The following FBXO3 variants were observed in gnomAD, a reference collection of about 807,000 sequenced individuals.
FBXO3 encodes F-box only protein 3.
A neutral mutation model predicts 64.8 loss-of-function variants in FBXO3; 17 were observed. The observed-to-expected ratio is 0.26, with a 90% CI of 0.18 to 0.39. The LOEUF (loss-of-function observed/expected upper bound fraction) is 0.39, where lower values mean the gene tolerates loss of function less well. Among genes scored for constraint, FBXO3 ranks in the 10% least tolerant of loss-of-function variants. The pLI is 1.00. For missense variants in FBXO3, 420 were observed against 589.9 expected (o/e 0.71, Z 2.98); for synonymous variants, 182 against 201.6 (o/e 0.90, Z 0.82).
At chr11:33,754,685 T>C (rs1366396466) in intron 5 of FBXO3, among the ~76,000 whole-genome samples, 185 bp from the exon 6 acceptor site, 3 of 152,176 alleles carry the variant, frequency 2.0e-5, no homozygotes, top group Admixed American at 2.0e-4. Flanking sequence ...CGAACAGTTC[T>C]AGGTTACTCA....
chr11:33,767,286 T>A (rs1390043304), intron 3 of FBXO3, among the ~76,000 whole-genome samples: 1 of 152,166 alleles, frequency 6.6e-6, no homozygotes, highest in Non-Finnish European at 1.5e-5. Flanking sequence ...GTTAAACAAC[T>A]TAGTTTTTTT....
At position 33,741,244 on chromosome 11, in the gene FBXO3, A is replaced by C. The variant is rs1410827221; in HGVS notation, c.*664T>G. The C allele has an allele frequency of 1.3e-5, 2 of 152,674 alleles. No homozygotes were observed. Among genetic ancestry groups the C allele is most frequent in the Non-Finnish European group, 2.9e-5 (2 of 68,032 alleles). 9.5% of individuals were successfully genotyped at this position (152,674 alleles called of 1,614,324 possible). The stretch of plus-strand genomic sequence containing the variant: ...AATGCATCTGTGAATAATATGATAA[A>C]GCGCATAGTGTTGAAGACTTTAAAT... On this transcript the variant is annotated 3_prime_UTR_variant, in exon 11 of 11. Transcript: ENST00000265651.
At chr11:33,745,882 A>C (rs1854802414) in intron 10 of FBXO3, 1 of 152,166 alleles carries the variant, frequency 6.6e-6, no homozygotes, top group Non-Finnish European at 1.5e-5. Context: ...CCCTAACTAA[A>C]GCAATGAACA....
chr11:33,751,495 C>T lies in FBXO3; in HGVS notation c.809+28G>A, dbSNP rs1429299563. ...ATTTTTCTCTGATTTACAATCATTT[C>T]AATCCAAAAAGACCCAAAATAAAAT... On this transcript the variant is annotated intron_variant, in intron 7 of 10. Coordinates refer to ENST00000265651, the MANE Select transcript of FBXO3 (RefSeq NM_012175.4). 4 of 1,414,958 alleles carry T rather than the reference C, an allele frequency of 2.8e-6. No homozygotes were observed. In the Admixed American group the frequency reaches 5.5e-5, roughly 19 times the overall value. 87.7% of individuals were successfully genotyped at this position (1,414,958 alleles called of 1,614,324 possible).
chr11:33,758,238 C>G (rs1171033170), intron 4 of FBXO3, among the ~76,000 whole-genome samples: 1 of 152,220 alleles, frequency 6.6e-6, no homozygotes, highest in African/African-American at 2.4e-5. Flanking sequence ...TCCCATCCCC[C>G]ATCCCATACC....
Position 33,748,167 on chromosome 11 carries a change from G to A in FBXO3, c.1048+610C>T, listed in dbSNP as rs572370628. Among the ~76,000 whole-genome samples the A allele has an allele frequency of 1.2e-4, 19 of 152,146 alleles. No homozygotes were observed. In the South Asian group the frequency reaches 2.9e-3, roughly 23 times the overall value. On this transcript the variant is annotated intron_variant, in intron 9 of 10. Transcript: ENST00000265651. ...GCTTTAATAAAGCCTCTCTCTTAGC[G>A]CTAGATCCAGAAAAAATTCCTGGAC...
intron 1 of FBXO3, 44 bp from the exon 2 acceptor site, chr11:33,770,874 A>G (rs748670586): frequency 7.1e-7 from 1 of 1,404,778 alleles, no homozygotes; most frequent in Non-Finnish European, 9.9e-7. Context: ...AAAAGTAAGA[A>G]AACAATTTAA....
intron 5 of FBXO3, among the ~76,000 whole-genome samples, chr11:33,755,002 G>A (rs896078983): frequency 2.0e-5 from 3 of 151,688 alleles, no homozygotes; most frequent in African/African-American, 7.3e-5. Flanking sequence ...AAGTAGCTGG[G>A]ACTAAGGCAT....
intron 4 of FBXO3, 32 bp downstream of exon 4, chr11:33,758,455 A>C: frequency 7.4e-6 from 11 of 1,479,592 alleles, no homozygotes; most frequent in Non-Finnish European, 9.3e-6. Flanking sequence ...AACTTGCATC[A>C]TTAAAAATAA....
chr11:33,741,989 T>A lies in FBXO3; in HGVS notation c.1335A>T (p.Ser445=), dbSNP rs749473473. 6.2e-7 allele frequency: 1 copy of A among 1,612,956 alleles called. No individual in the cohort carries two copies. The highest frequency in any genetic ancestry group is 8.5e-7 in the Non-Finnish European group (1 of 1,178,922). The change falls in exon 11 of 11, where the codon TCA becomes TCT. Residue 445 remains serine (S), a synonymous_variant. Transcript: ENST00000265651. ...EDDDSADMDE[S]DEDDEEERRR... ...GTCTCTCCTCTTCATCATCTTCATC[T>A]GATTCATCCATATCTGCTGAATCAT... is the stretch of plus-strand genomic sequence containing the variant.
chr11:33,742,072 C>G lies in FBXO3; in HGVS notation c.1252G>C (p.Asp418His). 6.3e-7 allele frequency: 1 copy of G among 1,594,034 alleles called. No homozygotes were observed. The highest frequency in any genetic ancestry group is 8.5e-7 in the Non-Finnish European group (1 of 1,170,906). The change falls in exon 11 of 11, where the codon GAT (aspartate) becomes CAT (histidine). Residue 418 changes from aspartate to histidine, a missense_variant. By Grantham distance (81) the Asp-to-His change is moderately conservative. Around this residue, in one of 3 missense-constraint regions of FBXO3, gnomAD observed 337 missense variants for 518.4 expected, o/e 0.65. Transcript: ENST00000265651. ...VSIARLEMGPDEYEEMEEEEE... is the reference protein window; with the variant it reads ...VSIARLEMGPHEYEEMEEEEE... ...TCTTCTTCCATCTCTTCATATTCAT[C>G]AGGACCCATTTCCTTGAAAGAGAAA...
chr11:33,770,001 C>T (rs1255194387), intron 2 of FBXO3, among the ~76,000 whole-genome samples: 1 of 152,020 alleles, frequency 6.6e-6, no homozygotes, highest in Admixed American at 6.5e-5. Flanking sequence ...AGTCCAACTC[C>T]TCAAAGGAAA....
intron 3 of FBXO3, among the ~76,000 whole-genome samples, chr11:33,766,161 A>G (rs906492852): frequency 6.6e-6 from 1 of 152,174 alleles, no homozygotes; most frequent in Non-Finnish European, 1.5e-5. Flanking sequence ...GTAAATATTT[A>G]TTTACTTTCT....
At chr11:33,764,148 T>C (rs1855310416) in intron 3 of FBXO3, among the ~76,000 whole-genome samples, 1 of 152,204 alleles carries the variant, frequency 6.6e-6, no homozygotes, top group Non-Finnish European at 1.5e-5. Context: ...GTAGAAGGAA[T>C]AGTCTACTCA....
rs975101444 is a variant in FBXO3, at chr11:33,741,060, C to G, written c.*848G>C. The G allele has an allele frequency of 6.6e-6, 1 of 152,512 alleles. No homozygotes were observed. The highest frequency in any genetic ancestry group is 1.5e-5 in the Non-Finnish European group (1 of 68,022). 9.4% of individuals were successfully genotyped at this position (152,512 alleles called of 1,614,324 possible). A position where few individuals can be genotyped will look rare whatever the true frequency, so the allele number is the denominator to read the frequency against. ...AAGTTTCAGGAAAACATACTTAATCCTAACATAAAATTCATGTCACTTATC... is the reference window on the plus strand; with the variant it reads ...AAGTTTCAGGAAAACATACTTAATCGTAACATAAAATTCATGTCACTTATC... On this transcript the variant is annotated 3_prime_UTR_variant, in exon 11 of 11. Transcript: ENST00000265651.
chr11:33,764,567 A>AT (rs985082162), intron 3 of FBXO3, among the ~76,000 whole-genome samples: 1 of 152,170 alleles, frequency 6.6e-6, no homozygotes, highest in African/African-American at 2.4e-5. Flanking sequence ...AAAAAAAAAC[A>AT]TAACTCCAGC....
intron 10 of FBXO3, chr11:33,746,821 G>T: frequency 7.1e-7 from 1 of 1,411,664 alleles, no homozygotes; most frequent in Non-Finnish European, 9.2e-7. Flanking sequence ...ACTGTAAGAA[G>T]TTGTTTTCCC....
intron 6 of FBXO3, 63 bp from the exon 7 acceptor site, chr11:33,751,670 A>T: frequency 1.1e-6 from 1 of 916,246 alleles, no homozygotes. Flanking sequence ...TCTATACAGG[A>T]AACAATTGTA....
chr11:33,747,242 A>G lies in FBXO3; in HGVS notation c.1127T>C (p.Met376Thr). 1 of 1,613,472 alleles carries G rather than the reference A, an allele frequency of 6.2e-7. No individual in the cohort carries two copies. The highest frequency in any genetic ancestry group is 8.5e-7 in the Non-Finnish European group (1 of 1,179,828). Residue 376 changes from methionine to threonine, a missense_variant, in exon 10 of 11, where the codon ATG becomes ACG. Met to Thr is a moderately conservative substitution (Grantham distance 81). Transcript: ENST00000265651. The part of the protein sequence containing the change: ...CTTFSTTSGY[M>T]EGYYTFHFLY... ...AAAATGGAAGGTATAATATCCTTCC[A>G]TGTATCCTGATGTTGTAGAGAATGT...
Sources: allele counts gnomAD v4.1 joint callset (sites outside exome capture counted in the v4.1 genomes callset), GRCh38; gene constraint gnomAD v4.1.1; regional missense constraint gnomAD v4.1.1; transcripts MANE v1.5; gene names NCBI Gene and HGNC (gene_info 2026-07-23, HGNC 2026-07-21).